Variants in FAM118B observed in about 807,000 individuals in gnomAD.
FAM118B encodes the protein SIR2 antiphage like 1.
In FAM118B, 24 loss-of-function variants were observed where a neutral mutation model predicts 38.5. The ratio of observed to expected loss-of-function variants is 0.62; its 90% confidence interval spans 0.45 to 0.88. FAM118B has a LOEUF of 0.88. FAM118B is among the 40% of genes least tolerant of loss of function. The probability of loss-of-function intolerance (pLI) is 0.00; values close to 1 mark genes in which losing one functional copy is unlikely to be tolerated. For missense variants in FAM118B, 334 were observed against 420.0 expected (o/e 0.80, Z 1.79); for synonymous variants, 138 against 156.3 (o/e 0.88, Z 0.87).
chr11:126,222,630 A>T (rs979247886), intron 1 of FAM118B, among the ~76,000 whole-genome samples: 1 of 152,252 alleles, frequency 6.6e-6, no homozygotes, highest in Non-Finnish European at 1.5e-5. Context: ...TGAGTGGTGG[A>T]TATCAGCACG....
intron 1 of FAM118B, among the ~76,000 whole-genome samples, chr11:126,227,576 C>T (rs1010398834): frequency 6.6e-6 from 1 of 151,996 alleles, no homozygotes; most frequent in African/African-American, 2.4e-5. Context: ...TGTTGTAAAA[C>T]ATTTATTTTC....
At position 126,252,737 on chromosome 11, in the gene FAM118B, T is replaced by C. The variant is rs1484185063; in HGVS notation, c.568-1568T>C. On this transcript the variant is annotated intron_variant, in intron 5 of 8. Coordinates refer to ENST00000533050, the MANE Select transcript of FAM118B (RefSeq NM_024556.4). This position sits in a 1 kb window ranked among gnomAD's most constrained non-coding sequence, Gnocchi z 4.7. ...CAGCCTGGGTGACAGCATAAGATCATGTCTCTAAATAAATAGGCTGGGCAC... is the reference window on the plus strand; with the variant it reads ...CAGCCTGGGTGACAGCATAAGATCACGTCTCTAAATAAATAGGCTGGGCAC... 4.0e-5 allele frequency among the ~76,000 whole-genome samples: 6 copies of C among 151,688 alleles called. No homozygotes were observed. Among genetic ancestry groups the C allele is most frequent in the Admixed American group, 3.9e-4 (6 of 15,234 alleles).
rs1050001875 is a variant in FAM118B, at chr11:126,255,221, C to T, written c.696+788C>T. Among the ~76,000 whole-genome samples the T allele has an allele frequency of 4.6e-5, 7 of 152,200 alleles. No homozygotes were observed. Among genetic ancestry groups the T allele is most frequent in the Non-Finnish European group, 7.4e-5 (5 of 68,026 alleles). ...ATTGATCTTTTGGGATGCACATTTT[C>T]GACTTGTTCAGATAAACATGTTCAA... On this transcript the variant is annotated intron_variant, in intron 6 of 8. Coordinates refer to ENST00000533050, the MANE Select transcript of FAM118B (RefSeq NM_024556.4). The surrounding 1 kb of genome is among the most constrained non-coding windows in gnomAD (Gnocchi z 4.6).
At position 126,262,358 on chromosome 11, in the gene FAM118B, CA is replaced by C; in HGVS notation, c.*226del. On this transcript the variant is annotated 3_prime_UTR_variant, in exon 9 of 9. Transcript: ENST00000533050. ...TCAAGTTCAAGAATAAAAGCGACAG[CA>C]GGACCCAAATGCAGCTCCCAACCCA... 1.7e-6 allele frequency: 1 copy of C among 571,976 alleles called. No homozygotes were observed. The allele number at this position is 571,976 out of a possible 1,614,324, so 35.4% of individuals were successfully genotyped here.
intron 4 of FAM118B, among the ~76,000 whole-genome samples, chr11:126,249,559 C>T (rs558089331): frequency 5.9e-5 from 9 of 151,756 alleles, no homozygotes; most frequent in East Asian, 3.9e-4. Flanking sequence ...GGTGAAACCC[C>T]GTCTCTACTA....
chr11:126,218,068 G>C (rs181257447), intron 1 of FAM118B, among the ~76,000 whole-genome samples: 1 of 152,310 alleles, frequency 6.6e-6, no homozygotes, highest in East Asian at 1.9e-4. Flanking sequence ...TTTGATTCTG[G>C]AAATTCACGT....
chr11:126,256,722 T>C lies in FAM118B; in HGVS notation c.852T>C (p.Asp284=). ...HFMLVRRGDV[D]EFKKLRENML... Reference sequence around the variant, plus strand: ...TGCTGGTTCGGAGAGGAGACGTAGATGAGTTCAAAAAGCTTCGAGAAAACA... The same window carrying C: ...TGCTGGTTCGGAGAGGAGACGTAGACGAGTTCAAAAAGCTTCGAGAAAACA... Residue 284 remains aspartate (D), a synonymous_variant, in exon 7 of 9, where the codon GAT becomes GAC. Transcript: ENST00000533050. The surrounding 1 kb of genome is among the most constrained non-coding windows in gnomAD (Gnocchi z 6.6). 6.2e-7 allele frequency: 1 copy of C among 1,614,134 alleles called. No individual in the cohort carries two copies. Among genetic ancestry groups the C allele is most frequent in the East Asian group, 2.2e-5 (1 of 44,878 alleles).
intron 4 of FAM118B, 138 bp downstream of exon 4, chr11:126,241,182 T>C: frequency 1.1e-6 from 1 of 945,876 alleles, no homozygotes; most frequent in Non-Finnish European, 1.6e-6. Flanking sequence ...TTCCATAACA[T>C]TTGACTCTTC....
Position 126,256,574 on chromosome 11 carries a change from T to A in FAM118B, c.704T>A (p.Ile235Asn). Residue 235 changes from isoleucine (I) to asparagine (N), a missense_variant, in exon 7 of 9, where the codon ATT becomes AAT. Coordinates refer to ENST00000533050, the MANE Select transcript of FAM118B (RefSeq NM_024556.4). The surrounding 1 kb of genome is among the most constrained non-coding windows in gnomAD (Gnocchi z 6.6). Reference protein sequence around the residue: ...VLRNTEVMREIQKLYENKSFL... With the variant: ...VLRNTEVMRENQKLYENKSFL... ...TGTATCTTTTCCTTCCAGAGAGAAA[T>A]TCAGAAACTCTACGAAAACAAGTCA... 1 of 1,613,466 alleles carries A rather than the reference T, an allele frequency of 6.2e-7. No homozygotes were observed. The highest frequency in any genetic ancestry group is 1.1e-5 in the South Asian group (1 of 91,066).
At chr11:126,254,518 C>G in intron 6 of FAM118B, 85 bp downstream of exon 6, 1 of 1,543,100 alleles carries the variant, frequency 6.5e-7, no homozygotes, top group Non-Finnish European at 8.9e-7. Context: ...AGGGGAACAT[C>G]TTCTTTTCAT....
At chr11:126,232,276 AACTT>A (rs1950215964) in intron 2 of FAM118B, among the ~76,000 whole-genome samples, 1 of 152,154 alleles carries the variant, frequency 6.6e-6, no homozygotes, top group Non-Finnish European at 1.5e-5. Context: ...TGTAGTTAAG[AACTT>A]GGACTTGAGA....
intron 2 of FAM118B, among the ~76,000 whole-genome samples, chr11:126,231,064 C>G (rs1181452626): frequency 6.6e-6 from 1 of 152,110 alleles, no homozygotes; most frequent in Non-Finnish European, 1.5e-5. Context: ...TTTCAAAGTA[C>G]AAGTGTTCTG....
chr11:126,212,624 C>G (rs1356625908), intron 1 of FAM118B, among the ~76,000 whole-genome samples: 1 of 152,184 alleles, frequency 6.6e-6, no homozygotes, highest in Admixed American at 6.5e-5. Flanking sequence ...GTCCTGAAAA[C>G]TAATGGATCT....
rs768829135 is a variant in FAM118B at position 126,240,788 on chromosome 11, A to C, written c.87-4A>C. On this transcript the variant is annotated splice_region_variant and splice_polypyrimidine_tract_variant and intron_variant, in intron 3 of 8. Coordinates refer to ENST00000533050, the MANE Select transcript of FAM118B (RefSeq NM_024556.4). Reference sequence around the variant, plus strand: ...CAATCCTCTCATTTGTTTTGCTTTTATAGGAAGCTGCTTCCAAGCTTAAAA... The same window carrying C: ...CAATCCTCTCATTTGTTTTGCTTTTCTAGGAAGCTGCTTCCAAGCTTAAAA... 41 of 1,599,424 alleles carry C rather than the reference A, an allele frequency of 2.6e-5. No individual in the cohort carries two copies. The highest frequency in any genetic ancestry group is 5.3e-5 in the Admixed American group (3 of 56,852).
intron 3 of FAM118B, among the ~76,000 whole-genome samples, chr11:126,237,056 A>G (rs1950283884): frequency 1.3e-5 from 2 of 148,854 alleles, no homozygotes; most frequent in Non-Finnish European, 1.5e-5. Flanking sequence ...AGCTGGGACT[A>G]CAGGCGCCCG....
chr11:126,238,183 G>A (rs1240070705), intron 3 of FAM118B, among the ~76,000 whole-genome samples: 1 of 151,942 alleles, frequency 6.6e-6, no homozygotes, highest in Non-Finnish European at 1.5e-5. Context: ...CCAACCTGGT[G>A]AAACCCCGTC....
chr11:126,218,873 T>C (rs1427655862), intron 1 of FAM118B, among the ~76,000 whole-genome samples: 1 of 152,222 alleles, frequency 6.6e-6, no homozygotes, highest in Non-Finnish European at 1.5e-5. Context: ...TCTTTTGACA[T>C]AATCTGTATT....
At chr11:126,248,842 C>T (rs1006133955) in intron 4 of FAM118B, among the ~76,000 whole-genome samples, 5 of 152,130 alleles carry the variant, frequency 3.3e-5, no homozygotes, top group African/African-American at 1.2e-4. Flanking sequence ...GTTAGGGGAC[C>T]AGTCCAAACC....
intron 7 of FAM118B, chr11:126,260,443 A>G (rs1447589764): frequency 6.7e-6 from 1 of 149,782 alleles, no homozygotes; most frequent in African/African-American, 2.5e-5. Flanking sequence ...TGGATTGTAC[A>G]TTTTCCCACA....
Sources: gnomAD v4.1 joint callset for allele counts (sites outside exome capture counted in the v4.1 genomes callset) on GRCh38, gnomAD v4.1.1 for gene constraint, Gnocchi (gnomAD v3.1) non-coding constraint, MANE v1.5 for transcripts, NCBI Gene and HGNC (gene_info 2026-07-23, HGNC 2026-07-21) for gene names.